GRM5: variants seen among roughly 807,000 people sequenced by gnomAD.
GRM5 encodes metabotropic glutamate receptor 5.
Under a neutral mutation model 83.1 loss-of-function variants are expected in GRM5, and 19 were observed. The observed-to-expected ratio is 0.23, with a 90% confidence interval of 0.16 to 0.34. The LOEUF is 0.34. Ranked by LOEUF, GRM5 falls within the 10% of genes least tolerant of loss-of-function variation. The pLI, the probability that GRM5 is intolerant of heterozygous loss-of-function variation, is 1.00. For missense variants in GRM5, 1,160 were observed against 1,588.3 expected, an observed-to-expected ratio of 0.73 and a Z score of 4.58; for synonymous variants, 675 against 633.6, an observed-to-expected ratio of 1.07 and a Z score of -0.98.
chr11:88,792,186 C>G (rs1369077460), intron 3 of GRM5, among the ~76,000 whole-genome samples: 1 of 152,022 alleles, frequency 6.6e-6, no homozygotes, highest in African/African-American at 2.4e-5. Flanking sequence ...ACACTAAAAT[C>G]AATAGCCCTG....
intron 2 of GRM5, among the ~76,000 whole-genome samples, chr11:88,861,694 T>G (rs1944566320): frequency 6.6e-6 from 1 of 152,072 alleles, no homozygotes; most frequent in Non-Finnish European, 1.5e-5. Flanking sequence ...CTTGAACTCC[T>G]GGGCTCAAGC....
chr11:88,776,609 C>A (rs373397646), intron 3 of GRM5, among the ~76,000 whole-genome samples: 1 of 152,110 alleles, frequency 6.6e-6, no homozygotes, highest in East Asian at 1.9e-4. Context: ...GTGCTTCCTG[C>A]GGGAGCTCTT....
chr11:88,788,340 T>G (rs2135471663), intron 3 of GRM5, among the ~76,000 whole-genome samples: 1 of 151,930 alleles, frequency 6.6e-6, no homozygotes, highest in East Asian at 1.9e-4. Flanking sequence ...ATATGAAAAA[T>G]TTTAGACTCA....
At chr11:88,927,743 G>A (rs559738624) in intron 2 of GRM5, among the ~76,000 whole-genome samples, 29 of 152,100 alleles carry the variant, frequency 1.9e-4, no homozygotes, top group Non-Finnish European at 3.4e-4. Context: ...AGGATTTTAA[G>A]TTTCTATTTT....
intron 3 of GRM5, among the ~76,000 whole-genome samples, chr11:88,787,205 C>T (rs759544030): frequency 4.4e-4 from 67 of 150,924 alleles, no homozygotes; most frequent in Non-Finnish European, 7.1e-4. Context: ...GAAAATGCCC[C>T]TCTGAAGAGA....
At chr11:88,751,853 C>A (rs1942279637) in intron 3 of GRM5, among the ~76,000 whole-genome samples, 1 of 152,136 alleles carries the variant, frequency 6.6e-6, no homozygotes, top group African/African-American at 2.4e-5. Flanking sequence ...ACAAAAACCA[C>A]ACGATTATCC....
At chr11:88,968,830 G>C (rs544248529) in intron 2 of GRM5, among the ~76,000 whole-genome samples, 131 of 152,158 alleles carry the variant, frequency 8.6e-4, no homozygotes, top group African/African-American at 3.0e-3. Flanking sequence ...TAAAAAATAA[G>C]TATGTAAGAG....
intron 3 of GRM5, among the ~76,000 whole-genome samples, chr11:88,693,100 G>C (rs1206230129): frequency 6.6e-6 from 1 of 151,994 alleles, no homozygotes; most frequent in Non-Finnish European, 1.5e-5. Context: ...AAAGTTTAAA[G>C]CTATACACGA....
intron 2 of GRM5, among the ~76,000 whole-genome samples, chr11:88,917,862 G>A (rs1230535392): frequency 6.6e-6 from 1 of 152,012 alleles, no homozygotes; most frequent in East Asian, 1.9e-4. Context: ...GAAAATCTAA[G>A]AGTTATTGGC....
chr11:88,948,423 T>C (rs1938349265), intron 2 of GRM5, among the ~76,000 whole-genome samples: 1 of 152,204 alleles, frequency 6.6e-6, no homozygotes, highest in Admixed American at 6.5e-5. Context: ...TCCACTGTTA[T>C]CTAATGACTA....
chr11:88,800,890 G>A (rs561247746), intron 3 of GRM5, among the ~76,000 whole-genome samples: 45 of 152,226 alleles, frequency 3.0e-4, no homozygotes, highest in Admixed American at 2.4e-3. Context: ...AAATTATTAC[G>A]TGAATGGAAG....
intron 4 of GRM5, among the ~76,000 whole-genome samples, chr11:88,644,558 T>C (rs1444090113): frequency 6.6e-6 from 1 of 152,172 alleles, no homozygotes; most frequent in African/African-American, 2.4e-5. Context: ...AAAAATTCTA[T>C]TGACTGTAGT....
chr11:88,601,688 T>C (rs1414412129), intron 5 of GRM5, among the ~76,000 whole-genome samples: 3 of 152,180 alleles, frequency 2.0e-5, no homozygotes, highest in Non-Finnish European at 2.9e-5. Flanking sequence ...TTGTACTCAG[T>C]CTAACATTGG....
chr11:88,769,864 T>C (rs1942696410), intron 3 of GRM5, among the ~76,000 whole-genome samples: 1 of 152,036 alleles, frequency 6.6e-6, no homozygotes. Flanking sequence ...AACTCTCCAC[T>C]GTTAAGTATG....
intron 4 of GRM5, among the ~76,000 whole-genome samples, chr11:88,621,823 T>C (rs1434778915): frequency 1.3e-5 from 2 of 152,072 alleles, no homozygotes; most frequent in African/African-American, 2.4e-5. Context: ...AAGTAGAAAA[T>C]TGCAAAAACG....
At chr11:88,515,318 C>T (rs1315277256) in intron 9 of GRM5, among the ~76,000 whole-genome samples, 2 of 152,142 alleles carry the variant, frequency 1.3e-5, no homozygotes, top group Non-Finnish European at 2.9e-5. Context: ...CAAAACTAAA[C>T]TACTCTAACT....
At chr11:88,632,246 A>ATT (rs1938994881) in intron 4 of GRM5, among the ~76,000 whole-genome samples, 2 of 94,264 alleles carry the variant, frequency 2.1e-5, no homozygotes, top group African/African-American at 3.2e-5. Context: ...CACAGTATGT[A>ATT]CTTTTTTTTT....
chr11:88,932,153 ACCTC>A (rs1235516956), intron 2 of GRM5, among the ~76,000 whole-genome samples: 3 of 151,820 alleles, frequency 2.0e-5, no homozygotes. Context: ...CATTTCAAAA[ACCTC>A]CCTGTTTTCT....
chr11:88,863,779 A>G (rs1215190753), intron 2 of GRM5, among the ~76,000 whole-genome samples: 1 of 152,058 alleles, frequency 6.6e-6, no homozygotes, highest in Non-Finnish European at 1.5e-5. Context: ...TGTGTTTAAC[A>G]AGAGACACTT....
Sources: gnomAD v4.1 joint callset for allele counts (sites outside exome capture counted in the v4.1 genomes callset) on GRCh38, gnomAD v4.1.1 for gene constraint, MANE v1.5 for transcripts, NCBI Gene and HGNC (gene_info 2026-07-23, HGNC 2026-07-21) for gene names.